Variants in THSD4 observed in about 807,000 individuals in gnomAD.
The protein encoded by THSD4 is thrombospondin type-1 domain-containing protein 4.
A neutral mutation model predicts 119.0 loss-of-function variants in THSD4; 69 were observed. That is an observed-to-expected ratio of 0.58 (90% CI 0.48 to 0.71). The LOEUF is 0.71. THSD4 is among the 30% of genes least tolerant of loss of function. The pLI is 0.00. For missense variants in THSD4, 1,393 were observed against 1,391.1 expected (o/e 1.00, Z -0.02); for synonymous variants, 524 against 540.4 (o/e 0.97, Z 0.42).
At chr15:71,280,823 G>A (rs1278422287) in intron 6 of THSD4, among the ~76,000 whole-genome samples, 2 of 152,184 alleles carry the variant, frequency 1.3e-5, no homozygotes, top group Non-Finnish European at 2.9e-5. Context: ...TGGTTTTTGT[G>A]CCCAGCATAC....
intron 7 of THSD4, among the ~76,000 whole-genome samples, chr15:71,627,707 G>A (rs114983789): frequency 6.6e-6 from 1 of 152,256 alleles, no homozygotes; most frequent in African/African-American, 2.4e-5. Context: ...TATTTTCAGG[G>A]TATTGTACAA....
chr15:71,545,886 G>A (rs2048829945), intron 7 of THSD4, among the ~76,000 whole-genome samples: 1 of 152,140 alleles, frequency 6.6e-6, no homozygotes. Flanking sequence ...TAAACTTTCT[G>A]AGATGGCTAC....
chr15:71,713,521 A>C (rs1490022508), intron 8 of THSD4, among the ~76,000 whole-genome samples: 1 of 152,196 alleles, frequency 6.6e-6, no homozygotes, highest in East Asian at 1.9e-4. Context: ...TATTGATGTC[A>C]TGCTCGAATG....
chr15:71,776,453 A>G (rs1251845984), intron 17 of THSD4, among the ~76,000 whole-genome samples: 3 of 152,246 alleles, frequency 2.0e-5, no homozygotes, highest in African/African-American at 7.2e-5. Context: ...TTGAATGGCA[A>G]ATATACATGA....
chr15:71,634,970 G>T (rs1266473545), intron 7 of THSD4, among the ~76,000 whole-genome samples: 1 of 152,124 alleles, frequency 6.6e-6, no homozygotes, highest in African/African-American at 2.4e-5. Context: ...GCCATTGTTT[G>T]CCATTGTTTG....
intron 3 of THSD4, among the ~76,000 whole-genome samples, chr15:71,159,921 G>A (rs1353524283): frequency 5.3e-5 from 8 of 151,914 alleles, no homozygotes; most frequent in Admixed American, 2.0e-4. Flanking sequence ...ATACTATTCT[G>A]TATACATTAT....
At chr15:71,246,869 T>C (rs2044206077) in intron 5 of THSD4, among the ~76,000 whole-genome samples, 2 of 150,686 alleles carry the variant, frequency 1.3e-5, no homozygotes, top group South Asian at 4.2e-4. Context: ...GACGCAAGAC[T>C]CAATCTGGTC....
intron 6 of THSD4, among the ~76,000 whole-genome samples, chr15:71,313,762 C>T (rs1464503541): frequency 6.6e-6 from 1 of 152,150 alleles, no homozygotes; most frequent in Non-Finnish European, 1.5e-5. Context: ...GACCTCCTAG[C>T]TGTGTCTCGC....
intron 6 of THSD4, among the ~76,000 whole-genome samples, chr15:71,258,028 A>G (rs1178044500): frequency 6.6e-6 from 1 of 152,086 alleles, no homozygotes; most frequent in Non-Finnish European, 1.5e-5. Context: ...TAAGGGCATT[A>G]TGTTAAATTT....
At chr15:71,425,057 G>A (rs1263864510) in intron 7 of THSD4, among the ~76,000 whole-genome samples, 1 of 152,150 alleles carries the variant, frequency 6.6e-6, no homozygotes, top group Non-Finnish European at 1.5e-5. Flanking sequence ...CAGAACTTGA[G>A]TAGGTGCCTT....
chr15:71,513,981 G>C (rs1450682674), intron 7 of THSD4, among the ~76,000 whole-genome samples: 1 of 152,180 alleles, frequency 6.6e-6, no homozygotes, highest in Non-Finnish European at 1.5e-5. Flanking sequence ...CTATGATGAT[G>C]AAAGTCAGAA....
At chr15:71,554,018 A>G (rs951526213) in intron 7 of THSD4, among the ~76,000 whole-genome samples, 1 of 151,240 alleles carries the variant, frequency 6.6e-6, no homozygotes, top group African/African-American at 2.4e-5. Flanking sequence ...TGTAAAATCA[A>G]TTCTGAAGTC....
At chr15:71,459,247 C>G (rs1354493685) in intron 7 of THSD4, among the ~76,000 whole-genome samples, 1 of 151,142 alleles carries the variant, frequency 6.6e-6, no homozygotes, top group Admixed American at 6.6e-5. Context: ...CAACCTCCAC[C>G]TCTCAGGTTC....
intron 7 of THSD4, among the ~76,000 whole-genome samples, chr15:71,628,478 A>C (rs2050550795): frequency 6.6e-6 from 1 of 152,196 alleles, no homozygotes; most frequent in South Asian, 2.1e-4. Flanking sequence ...AATTTGAAGC[A>C]AGGTGCACCA....
At chr15:71,294,515 TC>T (rs1414571301) in intron 6 of THSD4, among the ~76,000 whole-genome samples, 3 of 152,162 alleles carry the variant, frequency 2.0e-5, no homozygotes, top group Admixed American at 6.5e-5. Context: ...TTCACATTTT[TC>T]CTTTTAAGAA....
intron 8 of THSD4, among the ~76,000 whole-genome samples, chr15:71,678,844 A>G (rs1404814817): frequency 6.6e-6 from 1 of 152,178 alleles, no homozygotes; most frequent in East Asian, 1.9e-4. Flanking sequence ...TCTTCCTTGG[A>G]AAATGTACTT....
intron 7 of THSD4, among the ~76,000 whole-genome samples, chr15:71,514,823 A>G (rs117263412): frequency 0.026 from 3,938 of 152,308 alleles, 83 homozygotes; most frequent in Non-Finnish European, 0.042. Context: ...CTTTTAAACA[A>G]CATATCAGTG....
intron 7 of THSD4, among the ~76,000 whole-genome samples, chr15:71,434,868 A>G (rs2046990989): frequency 6.6e-6 from 1 of 152,154 alleles, no homozygotes; most frequent in Non-Finnish European, 1.5e-5. Flanking sequence ...TTAATTTTTT[A>G]AAAAACTAAA....
intron 6 of THSD4, among the ~76,000 whole-genome samples, chr15:71,409,917 T>G (rs2046662154): frequency 6.6e-6 from 1 of 151,580 alleles, no homozygotes; most frequent in South Asian, 2.1e-4. Context: ...TTACATACAG[T>G]GTGTACTTAT....
Sources: gnomAD v4.1 joint callset for allele counts (sites outside exome capture counted in the v4.1 genomes callset) on GRCh38, gnomAD v4.1.1 for gene constraint, MANE v1.5 for transcripts, NCBI Gene and HGNC (gene_info 2026-07-23, HGNC 2026-07-21) for gene names.